Variants in SDK1 observed in about 807,000 individuals in gnomAD.
SDK1 encodes the protein protein sidekick-1.
A neutral mutation model predicts 245.5 loss-of-function variants in SDK1; 157 were observed. The ratio of observed to expected loss-of-function variants is 0.64; its 90% CI spans 0.56 to 0.73. The LOEUF is 0.73. SDK1 is among the 30% of genes least tolerant of loss of function. The probability of loss-of-function intolerance (pLI) is 0.00; values close to 1 mark genes in which losing one functional copy is unlikely to be tolerated. For missense variants in SDK1, 3,583 were observed against 3,002.3 expected, an observed-to-expected ratio of 1.19 and a Z score of -4.52; for synonymous variants, 1,647 against 1,278.5, an observed-to-expected ratio of 1.29 and a Z score of -6.15.
chr7:3,556,233 C>T (rs1450078376), intron 1 of SDK1, among the ~76,000 whole-genome samples: 1 of 151,992 alleles, frequency 6.6e-6, no homozygotes, highest in Non-Finnish European at 1.5e-5. Context: ...TATATTCAGC[C>T]ATAAAGAAAA....
chr7:3,772,618 A>G (rs1433657232), intron 4 of SDK1, among the ~76,000 whole-genome samples: 2 of 152,240 alleles, frequency 1.3e-5, no homozygotes, highest in Non-Finnish European at 2.9e-5. Flanking sequence ...AACTAGTGCT[A>G]AAATAATACT....
chr7:3,459,887 T>C (rs1780781954), intron 1 of SDK1, among the ~76,000 whole-genome samples: 1 of 152,204 alleles, frequency 6.6e-6, no homozygotes, highest in African/African-American at 2.4e-5. Context: ...AGAGAAGGTA[T>C]CTCTCGTGTT....
intron 1 of SDK1, among the ~76,000 whole-genome samples, chr7:3,618,297 C>T (rs895471685): frequency 1.3e-5 from 2 of 152,190 alleles, no homozygotes; most frequent in Non-Finnish European, 1.5e-5. Flanking sequence ...ATTACCTTCA[C>T]CCCCGTCGCT....
chr7:3,554,141 A>G (rs911939258), intron 1 of SDK1, among the ~76,000 whole-genome samples: 3 of 152,198 alleles, frequency 2.0e-5, no homozygotes, highest in African/African-American at 7.2e-5. Context: ...CTTCACCCAG[A>G]AACCACAGAA....
intron 1 of SDK1, among the ~76,000 whole-genome samples, chr7:3,575,879 A>G (rs182925791): frequency 1.4e-4 from 21 of 152,180 alleles, no homozygotes; most frequent in Non-Finnish European, 2.4e-4. Context: ...TGCAAGTTCC[A>G]GAGTGAGGCT....
intron 1 of SDK1, among the ~76,000 whole-genome samples, chr7:3,489,240 T>A (rs1195305135): frequency 6.6e-6 from 1 of 152,154 alleles, no homozygotes; most frequent in Non-Finnish European, 1.5e-5. Context: ...TCTGCACAGT[T>A]GAATACTTTA....
rs779629250 is a variant in SDK1 at position 3,974,472 on chromosome 7, G to A, written c.1921G>A (p.Asp641Asn). The change falls in exon 13 of 45, where the codon GAC becomes AAC. Residue 641 changes from aspartate to asparagine, a missense_variant. Transcript: ENST00000404826. The part of the protein sequence containing the change: ...SLLISQTWSG[D>N]IGDYSCEIVS... The stretch of plus-strand genomic sequence containing the variant: ...TCTCATCAGCCAGACGTGGTCAGGC[G>A]ACATCGGTGACTACAGCTGCGAGAT... 2 of 1,614,154 alleles carry A rather than the reference G, an allele frequency of 1.2e-6. No homozygotes were observed. Among genetic ancestry groups the A allele is most frequent in the Non-Finnish European group, 1.7e-6 (2 of 1,180,018 alleles).
intron 1 of SDK1, among the ~76,000 whole-genome samples, chr7:3,492,901 T>C (rs971423711): frequency 1.3e-5 from 2 of 152,236 alleles, no homozygotes; most frequent in Non-Finnish European, 2.9e-5. Context: ...ATTCATGTAA[T>C]AAGTAGCTTA....
intron 5 of SDK1, among the ~76,000 whole-genome samples, chr7:3,919,185 C>T (rs1056059218): frequency 2.0e-5 from 3 of 152,222 alleles, no homozygotes; most frequent in African/African-American, 7.2e-5. Flanking sequence ...AACTGAACAA[C>T]TTAGAGTTCC....
At chr7:3,975,701 CG>C (rs1782869765) in intron 13 of SDK1, among the ~76,000 whole-genome samples, 1 of 152,228 alleles carries the variant, frequency 6.6e-6, no homozygotes, top group Non-Finnish European at 1.5e-5. Flanking sequence ...GCAGTCAGTC[CG>C]GAAGGCCCTG....
chr7:3,776,838 A>T (rs1780578808), intron 4 of SDK1, among the ~76,000 whole-genome samples: 1 of 152,186 alleles, frequency 6.6e-6, no homozygotes, highest in African/African-American at 2.4e-5. Context: ...GTGACCTGAG[A>T]ATGTCAGTCA....
rs1441295681 is a variant in SDK1, at chr7:4,139,591, G to A, written c.4229-6131G>A. On this transcript the variant is annotated intron_variant, in intron 28 of 44. Coordinates refer to ENST00000404826, the MANE Select transcript of SDK1 (RefSeq NM_152744.4). ...TGTATATGTGTGTGTGTATGTGTGT[G>A]TATATGTATATATGTGTGTGTATAT... 1.8e-3 allele frequency among the ~76,000 whole-genome samples: 123 copies of A among 69,976 alleles called. 7 individuals carry two copies. The highest frequency in any genetic ancestry group is 3.8e-3 in the African/African-American group (78 of 20,260). The allele number at this position is 69,976 out of a possible 152,430, so 45.9% of individuals were successfully genotyped here.
intron 35 of SDK1, among the ~76,000 whole-genome samples, chr7:4,200,754 A>G (rs1340625848): frequency 6.6e-6 from 1 of 152,194 alleles, no homozygotes; most frequent in African/African-American, 2.4e-5. Context: ...GCCACATTCT[A>G]GTCCTTAGAA....
chr7:3,840,873 CTG>C (rs1230253512), intron 5 of SDK1, among the ~76,000 whole-genome samples: 1 of 152,210 alleles, frequency 6.6e-6, no homozygotes, highest in African/African-American at 2.4e-5. Context: ...GTCCAGGAAT[CTG>C]TGTTTTATCA....
At chr7:3,674,745 C>G (rs1783835734) in intron 4 of SDK1, among the ~76,000 whole-genome samples, 1 of 152,158 alleles carries the variant, frequency 6.6e-6, no homozygotes, top group Non-Finnish European at 1.5e-5. Context: ...GGTGTGAATA[C>G]TCCCACCACA....
chr7:3,836,354 A>G (rs978569553), intron 5 of SDK1, among the ~76,000 whole-genome samples: 10 of 152,238 alleles, frequency 6.6e-5, no homozygotes, highest in African/African-American at 1.7e-4. Context: ...CATAACTTCA[A>G]TGTACGAGTG....
chr7:3,889,671 C>G (rs1240791779), intron 5 of SDK1, among the ~76,000 whole-genome samples: 1 of 152,136 alleles, frequency 6.6e-6, no homozygotes, highest in East Asian at 1.9e-4. Flanking sequence ...CCTCGCCTGG[C>G]TAATTTTTTT....
intron 5 of SDK1, among the ~76,000 whole-genome samples, chr7:3,851,197 A>G (rs1420993839): frequency 6.6e-6 from 1 of 152,224 alleles, no homozygotes; most frequent in African/African-American, 2.4e-5. Flanking sequence ...GCTTGTTGAA[A>G]GCAGGCAGAG....
rs369292716 is a variant in SDK1, at chr7:3,823,937, T to G, written c.847+2354T>G. Among the ~76,000 whole-genome samples the G allele has an allele frequency of 1.3e-3, 191 of 146,644 alleles. 1 individual carries two copies. Among genetic ancestry groups the G allele is most frequent in the African/African-American group, 4.7e-3 (179 of 38,190 alleles). Reference sequence around the variant, plus strand: ...ATGTTAAATGGCAACCAATTATGCTTTTTTGTTTTTTTGTGTTTTTTTTTT... The same window carrying G: ...ATGTTAAATGGCAACCAATTATGCTGTTTTGTTTTTTTGTGTTTTTTTTTT... On this transcript the variant is annotated intron_variant, in intron 5 of 44. Transcript: ENST00000404826.
Sources: allele counts gnomAD v4.1 joint callset (sites outside exome capture counted in the v4.1 genomes callset), GRCh38; gene constraint gnomAD v4.1.1; transcripts MANE v1.5; gene names NCBI Gene and HGNC (gene_info 2026-07-23, HGNC 2026-07-21).